The following RPA2 variants were observed in gnomAD, a reference collection of about 807,000 sequenced individuals.
The protein encoded by RPA2 is replication protein A 32 kDa subunit.
A neutral mutation model predicts 33.4 loss-of-function variants in RPA2; 22 were observed. The ratio of observed to expected loss-of-function variants is 0.66; its 90% CI spans 0.47 to 0.94. The LOEUF is 0.94. Ranked by LOEUF, RPA2 falls within the 40% of genes least tolerant of loss-of-function variation. The pLI is 0.00. For synonymous variants in RPA2, 109 were observed against 114.9 expected (o/e 0.95, Z 0.33); for missense variants, 279 against 329.9 (o/e 0.85, Z 1.19).
Position 27,891,919 on chromosome 1 carries a change from G to T in RPA2, c.*244C>A. The stretch of plus-strand genomic sequence containing the variant: ...TCTTGATGTTGTAACAAGCTTATTT[G>T]TAACTTCCTCAAGAAATCCCACCCT... On this transcript the variant is annotated 3_prime_UTR_variant, in exon 9 of 9. Transcript: ENST00000373912. 2.2e-6 allele frequency: 1 copy of T among 464,992 alleles called. No homozygotes were observed. Among genetic ancestry groups the T allele is most frequent in the Non-Finnish European group, 3.9e-6 (1 of 256,356 alleles). The allele number at this position is 464,992 out of a possible 1,614,324, so 28.8% of individuals were successfully genotyped here.
chr1:27,897,536 G>A (rs1229590240), intron 5 of RPA2, 97 bp downstream of exon 5: 1 of 755,040 alleles, frequency 1.3e-6, no homozygotes, highest in Non-Finnish European at 2.1e-6. Context: ...CATTAAACAG[G>A]GAGACTTAAG....
intron 4 of RPA2, among the ~76,000 whole-genome samples, chr1:27,899,925 C>T (rs966462394): frequency 1.3e-5 from 2 of 152,160 alleles, no homozygotes. Flanking sequence ...CGTGATCCGC[C>T]CGCCTCGGCC....
chr1:27,900,013 T>G (rs1037034447), intron 4 of RPA2, among the ~76,000 whole-genome samples: 5 of 151,414 alleles, frequency 3.3e-5, no homozygotes, highest in African/African-American at 1.2e-4. Context: ...TTTGCCACAT[T>G]GACCAGGCTA....
rs755345876 is a variant in RPA2 at position 27,914,112 on chromosome 1, G to T, written c.68C>A (p.Ser23Tyr). 17 of 1,610,204 alleles carry T rather than the reference G, an allele frequency of 1.1e-5. No individual in the cohort carries two copies. Among genetic ancestry groups the T allele is most frequent in the Admixed American group, 1.7e-5 (1 of 59,304 alleles). ...SYGGAGGYTQSPGGFGSPAPS... is the reference protein window; with the variant it reads ...SYGGAGGYTQYPGGFGSPAPS... ...TGCGGGCGATCCAAAGCCCCCCGGGGACTGCGTGTAGCCGCCGGCTCCCCC... is the reference window on the plus strand; with the variant it reads ...TGCGGGCGATCCAAAGCCCCCCGGGTACTGCGTGTAGCCGCCGGCTCCCCC... Residue 23 changes from serine (S) to tyrosine (Y), a missense_variant, in exon 2 of 9, where the codon TCC (serine) becomes TAC (tyrosine). Transcript: ENST00000373912.
At chr1:27,907,083 C>A in intron 3 of RPA2, 42 bp from the exon 4 acceptor site, 2 of 1,557,724 alleles carry the variant, frequency 1.3e-6, no homozygotes, top group Non-Finnish European at 1.7e-6. Flanking sequence ...AGGTCTGGTT[C>A]CCCCTGAAAC....
At chr1:27,896,574 G>T (rs934027740) in intron 6 of RPA2, among the ~76,000 whole-genome samples, 34 of 152,168 alleles carry the variant, frequency 2.2e-4, no homozygotes, top group Admixed American at 1.8e-3. Context: ...ATTTCAATAT[G>T]AACCAAGAAA....
At chr1:27,908,556 C>T (rs941538418) in intron 2 of RPA2, among the ~76,000 whole-genome samples, 48 of 152,008 alleles carry the variant, frequency 3.2e-4, no homozygotes, top group East Asian at 7.7e-4. Flanking sequence ...AGTGTGGTGG[C>T]GCGATCTCAG....
chr1:27,900,033 T>G lies in RPA2; in HGVS notation c.334-2326A>C, dbSNP rs189314842. On this transcript the variant is annotated intron_variant, in intron 4 of 8. Coordinates refer to ENST00000373912, the MANE Select transcript of RPA2 (RefSeq NM_002946.5). ...CACATTGACCAGGCTAGTCTTGAAC[T>G]CCTGACTTCAGGTGATCCACCCGCC... 6.6e-5 allele frequency among the ~76,000 whole-genome samples: 10 copies of G among 152,344 alleles called. No individual in the cohort carries two copies. In the East Asian group the frequency reaches 1.9e-3, roughly 29 times the overall value.
In RPA2 at chr1:27,891,558, A is replaced by C. The variant is rs1483754642; in HGVS notation, c.*605T>G. 2 of 152,262 alleles carry C rather than the reference A, an allele frequency of 1.3e-5. No homozygotes were observed. The highest frequency in any genetic ancestry group is 4.8e-5 in the African/African-American group (2 of 41,450). 9.4% of individuals were successfully genotyped at this position (152,262 alleles called of 1,614,324 possible). On this transcript the variant is annotated 3_prime_UTR_variant, in exon 9 of 9. Coordinates refer to ENST00000373912, the MANE Select transcript of RPA2 (RefSeq NM_002946.5). Reference sequence around the variant, plus strand: ...GTTACTACAATAGAACTGTTTTATTAAACATATGACTGTATTTATTTTGTA... The same window carrying C: ...GTTACTACAATAGAACTGTTTTATTCAACATATGACTGTATTTATTTTGTA...
At chr1:27,894,435 AT>A in intron 6 of RPA2, 38 bp from the exon 7 acceptor site, 1 of 1,563,124 alleles carries the variant, frequency 6.4e-7, no homozygotes, top group South Asian at 1.1e-5. Context: ...TAGAAAATCC[AT>A]CAAGTTAAAC....
At chr1:27,907,107 T>G in intron 3 of RPA2, 66 bp from the exon 4 acceptor site, 2 of 1,576,198 alleles carry the variant, frequency 1.3e-6, no homozygotes, top group Middle Eastern at 3.4e-4. Context: ...GGCTACATTT[T>G]TGTATTTTTT....
At chr1:27,893,326 G>A (rs1032296386) in intron 8 of RPA2, among the ~76,000 whole-genome samples, 1 of 152,060 alleles carries the variant, frequency 6.6e-6, no homozygotes, top group African/African-American at 2.4e-5. Context: ...TTTTGTGTGT[G>A]TGACAGTCTC....
upstream of RPA2, chr1:27,914,692 G>A (rs763263601): frequency 6.2e-7 from 1 of 1,611,422 alleles, no homozygotes; most frequent in South Asian, 1.1e-5. Flanking sequence ...GCTCCCAGTT[G>A]GCTCCAAAAG....
chr1:27,899,947 T>C (rs1355656774), intron 4 of RPA2, among the ~76,000 whole-genome samples: 1 of 152,168 alleles, frequency 6.6e-6, no homozygotes, highest in Non-Finnish European at 1.5e-5. Flanking sequence ...CCCAAAGTGC[T>C]GGGATTACAG....
chr1:27,905,341 T>G (rs997005888), intron 4 of RPA2, among the ~76,000 whole-genome samples: 4 of 152,196 alleles, frequency 2.6e-5, no homozygotes, highest in African/African-American at 9.6e-5. Context: ...TCGCCCAGGC[T>G]GGAGTGCAGT....
chr1:27,902,062 T>TA (rs1160324976), intron 4 of RPA2, among the ~76,000 whole-genome samples: 2 of 151,828 alleles, frequency 1.3e-5, no homozygotes, highest in South Asian at 2.1e-4. Context: ...GAAATACACA[T>TA]AAAAAAATGA....
At chr1:27,902,860 A>G (rs1227199501) in intron 4 of RPA2, among the ~76,000 whole-genome samples, 1 of 152,160 alleles carries the variant, frequency 6.6e-6, no homozygotes, top group Non-Finnish European at 1.5e-5. Flanking sequence ...AAAATGCAAA[A>G]ACTAAGATGT....
intron 5 of RPA2, 44 bp from the exon 6 acceptor site, chr1:27,897,165 C>T (rs775239461): frequency 3.0e-6 from 4 of 1,353,954 alleles, no homozygotes; most frequent in South Asian, 1.2e-5. Context: ...TATGAACATA[C>T]ATTAATTTCA....
chr1:27,892,796 G>A (rs2089841559), intron 8 of RPA2, among the ~76,000 whole-genome samples: 1 of 152,172 alleles, frequency 6.6e-6, no homozygotes, highest in Non-Finnish European at 1.5e-5. Flanking sequence ...TCATCAGCAC[G>A]CAACTCTGAG....
Sources: allele counts gnomAD v4.1 joint callset (sites outside exome capture counted in the v4.1 genomes callset), GRCh38; gene constraint gnomAD v4.1.1; transcripts MANE v1.5; gene names NCBI Gene and HGNC (gene_info 2026-07-23, HGNC 2026-07-21).